The following DOCK3 variants were observed in gnomAD, a reference collection of about 807,000 sequenced individuals.
DOCK3 encodes the protein dedicator of cytokinesis 3.
Under a neutral mutation model 265.6 loss-of-function variants are expected in DOCK3, and 60 were observed. The ratio of observed to expected loss-of-function variants is 0.23; its 90% confidence interval spans 0.18 to 0.28. DOCK3 has a LOEUF of 0.28. Ranked by LOEUF, DOCK3 falls within the 10% of genes least tolerant of loss-of-function variation. The probability of loss-of-function intolerance (pLI) is 1.00; values close to 1 mark genes in which losing one functional copy is unlikely to be tolerated. For synonymous variants in DOCK3, 881 were observed against 938.0 expected, an observed-to-expected ratio of 0.94 and a Z score of 1.11; for missense variants, 1,981 against 2,594.3, an observed-to-expected ratio of 0.76 and a Z score of 5.14.
chr3:50,829,367 C>T (rs1013535508), intron 2 of DOCK3, among the ~76,000 whole-genome samples: 4 of 152,122 alleles, frequency 2.6e-5, no homozygotes, highest in African/African-American at 9.7e-5. Context: ...CTCTCAGCTG[C>T]TGCTTTTTGT....
chr3:51,327,046 C>G (rs1560442201), intron 32 of DOCK3, among the ~76,000 whole-genome samples: 1 of 152,078 alleles, frequency 6.6e-6, no homozygotes, highest in Non-Finnish European at 1.5e-5. Flanking sequence ...AGTCAGAAAC[C>G]TTTCTTGAGT....
chr3:50,823,243 G>C (rs950417030), intron 2 of DOCK3, among the ~76,000 whole-genome samples: 1 of 152,178 alleles, frequency 6.6e-6, no homozygotes, highest in East Asian at 1.9e-4. Flanking sequence ...ATAGTGGAGG[G>C]AAGGTCAGCA....
At chr3:50,679,145 A>C (rs2034205448) in intron 1 of DOCK3, among the ~76,000 whole-genome samples, 1 of 151,924 alleles carries the variant, frequency 6.6e-6, no homozygotes, top group Non-Finnish European at 1.5e-5. Flanking sequence ...TTAATTAAAA[A>C]AAATTTTTTT....
intron 2 of DOCK3, among the ~76,000 whole-genome samples, chr3:50,793,602 C>G (rs1410292287): frequency 4.6e-5 from 7 of 152,160 alleles, no homozygotes; most frequent in Admixed American, 4.6e-4. Context: ...ACGTGATCCA[C>G]CTGCCTCAGC....
At chr3:51,071,207 G>A (rs1270979851) in intron 6 of DOCK3, among the ~76,000 whole-genome samples, 2 of 152,156 alleles carry the variant, frequency 1.3e-5, no homozygotes, top group African/African-American at 4.8e-5. Context: ...ATTGGGTCAG[G>A]ATTATGTCCC....
chr3:51,177,692 G>T (rs1576327753), intron 12 of DOCK3, among the ~76,000 whole-genome samples: 1 of 152,158 alleles, frequency 6.6e-6, no homozygotes, highest in South Asian at 2.1e-4. Context: ...GAAAAAATAT[G>T]TAAGATATAA....
At chr3:51,167,284 A>C (rs1172357798) in intron 12 of DOCK3, among the ~76,000 whole-genome samples, 1 of 152,104 alleles carries the variant, frequency 6.6e-6, no homozygotes, top group Non-Finnish European at 1.5e-5. Flanking sequence ...TGGGATCTGT[A>C]TTCTGTTCCA....
At chr3:51,075,295 A>C (rs2082019875) in intron 6 of DOCK3, 61 bp from the exon 7 acceptor site, 2 of 1,442,590 alleles carry the variant, frequency 1.4e-6, no homozygotes, top group Non-Finnish European at 1.9e-6. Context: ...TCCCAGGCAC[A>C]TAAAGAGAGA....
intron 3 of DOCK3, among the ~76,000 whole-genome samples, chr3:50,861,314 C>T (rs545117866): frequency 6.6e-6 from 1 of 152,314 alleles, no homozygotes; most frequent in South Asian, 2.1e-4. Flanking sequence ...GAGCCACATA[C>T]ACTAGCTTCT....
intron 5 of DOCK3, among the ~76,000 whole-genome samples, chr3:50,942,810 A>G (rs1189689011): frequency 6.6e-6 from 1 of 151,992 alleles, no homozygotes; most frequent in Admixed American, 6.5e-5. Flanking sequence ...TTTTTCAACT[A>G]CAAATTTTTT....
At chr3:51,130,490 C>T (rs906295710) in intron 9 of DOCK3, among the ~76,000 whole-genome samples, 6 of 152,136 alleles carry the variant, frequency 3.9e-5, no homozygotes, top group African/African-American at 1.4e-4. Context: ...GCAATGAAAC[C>T]ACATCTGGTA....
At chr3:50,823,152 A>AT (rs1338621014) in intron 2 of DOCK3, among the ~76,000 whole-genome samples, 53 of 151,260 alleles carry the variant, frequency 3.5e-4, no homozygotes, top group African/African-American at 1.3e-3. Flanking sequence ...TTTTTATTTT[A>AT]TTTATTTATT....
At chr3:50,950,193 A>G (rs1348681695) in intron 5 of DOCK3, among the ~76,000 whole-genome samples, 2 of 152,106 alleles carry the variant, frequency 1.3e-5, no homozygotes, top group Non-Finnish European at 2.9e-5. Flanking sequence ...CTTTAAACAT[A>G]TTATAAGTAC....
intron 51 of DOCK3, among the ~76,000 whole-genome samples, chr3:51,377,104 C>T (rs2088201434): frequency 6.6e-6 from 1 of 152,216 alleles, no homozygotes; most frequent in African/African-American, 2.4e-5. Flanking sequence ...AGACCAGGAC[C>T]CTACCCCAAC....
intron 49 of DOCK3, among the ~76,000 whole-genome samples, chr3:51,366,387 T>C (rs1277764401): frequency 3.3e-4 from 50 of 152,188 alleles, no homozygotes; most frequent in Non-Finnish European, 1.3e-4. Context: ...TTTTCTTCTT[T>C]ATTAGTCTTG....
At chr3:51,146,005 G>A (rs1421491896) in intron 9 of DOCK3, among the ~76,000 whole-genome samples, 1 of 152,226 alleles carries the variant, frequency 6.6e-6, no homozygotes, top group Non-Finnish European at 1.5e-5. Context: ...GCAGAGCTCA[G>A]GTGGTAATGC....
chr3:51,208,268 G>T (rs1232113301), intron 12 of DOCK3, among the ~76,000 whole-genome samples: 1 of 152,174 alleles, frequency 6.6e-6, no homozygotes, highest in Non-Finnish European at 1.5e-5. Context: ...TCTTAACTTG[G>T]TCTGGTTAAA....
intron 9 of DOCK3, among the ~76,000 whole-genome samples, chr3:51,098,996 A>G (rs1371949428): frequency 1.3e-5 from 2 of 152,206 alleles, no homozygotes; most frequent in East Asian, 1.9e-4. Flanking sequence ...TCTGTGCCCT[A>G]TGGATGAGGA....
At chr3:50,860,906 A>C (rs2046877449) in intron 3 of DOCK3, among the ~76,000 whole-genome samples, 2 of 152,220 alleles carry the variant, frequency 1.3e-5, no homozygotes, top group Admixed American at 6.5e-5. Flanking sequence ...TACATACAGC[A>C]GTCTAACCTT....
Sources: gnomAD v4.1 joint callset for allele counts (sites outside exome capture counted in the v4.1 genomes callset) on GRCh38, gnomAD v4.1.1 for gene constraint, MANE v1.5 for transcripts, NCBI Gene and HGNC (gene_info 2026-07-23, HGNC 2026-07-21) for gene names.